Variants in SESN2 observed in about 807,000 individuals in gnomAD.
SESN2 encodes sestrin 2, also known as sestrin-2.
SESN2 carries 42 observed loss-of-function variants against 56.0 expected under a neutral mutation model. The ratio of observed to expected loss-of-function variants is 0.75; its 90% CI spans 0.59 to 0.97. The LOEUF (loss-of-function observed/expected upper bound fraction) is 0.97. Among genes scored for constraint, SESN2 ranks in the 50% least tolerant of loss-of-function variants. SESN2 has a pLI of 0.00. For synonymous variants in SESN2, 264 were observed against 267.1 expected, an observed-to-expected ratio of 0.99 and a Z score of 0.11; for missense variants, 507 against 649.4, an observed-to-expected ratio of 0.78 and a Z score of 2.38.
rs1360211605 is a variant in SESN2, at chr1:28,281,390, CCCTTTTT to C, written c.*591_*597del. 6.6e-6 allele frequency: 1 copy of C among 152,234 alleles called. No individual in the cohort carries two copies. Among genetic ancestry groups the C allele is most frequent in the Non-Finnish European group, 1.5e-5 (1 of 68,174 alleles). 9.4% of individuals were successfully genotyped at this position (152,234 alleles called of 1,614,324 possible). A position where few individuals can be genotyped will look rare whatever the true frequency, so the allele number is the denominator to read the frequency against. On this transcript the variant is annotated 3_prime_UTR_variant, in exon 10 of 10. Coordinates refer to ENST00000253063, the MANE Select transcript of SESN2 (RefSeq NM_031459.5). ...TAGTTCAGTTTTTTGACTTCCTTTG[CCCTTTTT>C]CCCTTTTCTCCATGCTTAATGGTGT...
rs1297355969 is a variant in SESN2, at chr1:28,272,586, G to A, written c.543G>A (p.Leu181=). Residue 181 remains leucine, a synonymous_variant, in exon 5 of 10, where the codon TTG becomes TTA. Coordinates refer to ENST00000253063, the MANE Select transcript of SESN2 (RefSeq NM_031459.5). ...WLITKEHIQA[L]LKTGEHTWSL... ...TCCCCCCTTGTCCCTTCCAGGCCTT[G>A]CTGAAGACCGGCGAGCACACTTGGT... 1 of 1,614,044 alleles carries A rather than the reference G, an allele frequency of 6.2e-7. No homozygotes were observed. Among genetic ancestry groups the A allele is most frequent in the East Asian group, 2.2e-5 (1 of 44,882 alleles).
Position 28,280,823 on chromosome 1 carries a change from C to A in SESN2, c.*21C>A. 6.3e-7 allele frequency: 1 copy of A among 1,589,396 alleles called. No homozygotes were observed. The highest frequency in any genetic ancestry group is 8.6e-7 in the Non-Finnish European group (1 of 1,158,860). On this transcript the variant is annotated 3_prime_UTR_variant, in exon 10 of 10. Transcript: ENST00000253063. ...CCTGACTCCTGAGCAGGACCTGGGC[C>A]CGGTTCAGCTCCCCACAAGGACTTC...
At chr1:28,276,871 G>A (rs1021438093) in intron 8 of SESN2, among the ~76,000 whole-genome samples, 12 of 141,160 alleles carry the variant, frequency 8.5e-5, no homozygotes, top group Non-Finnish European at 1.7e-4. Flanking sequence ...GAGACACTGC[G>A]CCCAGCCTTT....
chr1:28,262,617 G>A (rs1428300976), intron 1 of SESN2, among the ~76,000 whole-genome samples: 1 of 47,246 alleles, frequency 2.1e-5, no homozygotes, highest in Non-Finnish European at 3.7e-5. Flanking sequence ...GCAAGAGTCT[G>A]TCTCAAAAAA....
At chr1:28,263,617 T>G (rs1290858999) in intron 1 of SESN2, among the ~76,000 whole-genome samples, 1 of 151,670 alleles carries the variant, frequency 6.6e-6, no homozygotes, top group Non-Finnish European at 1.5e-5. Context: ...GAGAATAAAG[T>G]CTGGGGCTTC....
chr1:28,261,197 G>C (rs935185456), intron 1 of SESN2, among the ~76,000 whole-genome samples: 1 of 152,116 alleles, frequency 6.6e-6, no homozygotes, highest in Non-Finnish European at 1.5e-5. Context: ...TACCTCCGTC[G>C]GTGTATAGTT....
At chr1:28,264,331 A>G (rs476243) in intron 1 of SESN2, among the ~76,000 whole-genome samples, 9,392 of 151,382 alleles carry the variant, frequency 0.062, 948 homozygotes, top group African/African-American at 0.21. Context: ...AGAAAAAAAG[A>G]AAAAAAAAGA....
rs570533215 is a variant in SESN2 at position 28,272,831 on chromosome 1, G to A, written c.750+38G>A. ...CCTGGGTCTTGATCGGGGAGGAAGC[G>A]GGCATGACCTCTGGTCCTTAGGTAG... On this transcript the variant is annotated intron_variant, in intron 5 of 9. Coordinates refer to ENST00000253063, the MANE Select transcript of SESN2 (RefSeq NM_031459.5). 1.5e-5 allele frequency: 18 copies of A among 1,230,182 alleles called. No homozygotes were observed. The Middle Eastern group carries it at 5.8e-4, about 40-fold the overall frequency. The allele number at this position is 1,230,182 out of a possible 1,614,324, so 76.2% of individuals were successfully genotyped here. A position where few individuals can be genotyped will look rare whatever the true frequency, so the allele number is the denominator to read the frequency against.
chr1:28,260,418 C>G (rs939680400), intron 1 of SESN2, among the ~76,000 whole-genome samples: 5 of 152,110 alleles, frequency 3.3e-5, no homozygotes, highest in Admixed American at 2.6e-4. Context: ...CGGCTCCTGT[C>G]CCCCAGCGCG....
intron 9 of SESN2, among the ~76,000 whole-genome samples, chr1:28,279,793 C>T (rs1359846591): frequency 6.6e-6 from 1 of 151,800 alleles, no homozygotes; most frequent in African/African-American, 2.4e-5. Flanking sequence ...CCACCTGTCT[C>T]GGACTTCCAA....
At chr1:28,270,398 T>TGTA (rs1647721313) in intron 2 of SESN2, among the ~76,000 whole-genome samples, 1 of 152,066 alleles carries the variant, frequency 6.6e-6, no homozygotes, top group South Asian at 2.1e-4. Flanking sequence ...TTCCTAAATG[T>TGTA]GTAGGGCGAG....
chr1:28,269,188 G>A lies in SESN2; in HGVS notation c.96G>A (p.Gln32=), dbSNP rs761412903. The A allele has an allele frequency of 3.2e-5, 51 of 1,612,214 alleles. No homozygotes were observed. The highest frequency in any genetic ancestry group is 4.3e-5 in the Non-Finnish European group (51 of 1,178,920). ...CCTCATATGTTTCCTCCCAGGAGCA[G>A]AGGGAGAGCCGGGCTCGGCGAGGCC... The part of the protein sequence containing the change: ...GVGDSGPGEE[Q]RESRARRGPR... Residue 32 remains glutamine, a synonymous_variant, in exon 2 of 10, where the codon CAG becomes CAA. Coordinates refer to ENST00000253063, the MANE Select transcript of SESN2 (RefSeq NM_031459.5).
Position 28,259,742 on chromosome 1 carries a change from G to C in SESN2, c.-106G>C, listed in dbSNP as rs1344858238. ...CCCCGAGAGACGCCCCGGGGTTCTA[G>C]AAGCTCCCCGGCGGCGCCCAGTCCC... On this transcript the variant is annotated 5_prime_UTR_variant, in exon 1 of 10. Transcript: ENST00000253063. 1.2e-6 allele frequency: 1 copy of C among 839,232 alleles called. No homozygotes were observed. Among genetic ancestry groups the C allele is most frequent in the Non-Finnish European group, 1.7e-6 (1 of 590,784 alleles). 52.0% of individuals were successfully genotyped at this position (839,232 alleles called of 1,614,324 possible).
intron 9 of SESN2, among the ~76,000 whole-genome samples, chr1:28,279,451 T>G (rs1178938430): frequency 6.6e-6 from 1 of 152,250 alleles, no homozygotes; most frequent in Non-Finnish European, 1.5e-5. Flanking sequence ...GGTGCCTGCT[T>G]CACATTAGTG....
At chr1:28,265,128 G>C (rs1304991251) in intron 1 of SESN2, among the ~76,000 whole-genome samples, 2 of 152,194 alleles carry the variant, frequency 1.3e-5, no homozygotes, top group Admixed American at 6.5e-5. Flanking sequence ...TAGTGCATGT[G>C]AAATTAATGC....
In SESN2 at chr1:28,280,748, C is replaced by T. The variant is rs1238350172; in HGVS notation, c.1389C>T (p.Arg463=). ...VHVNLLLLEA[R]MQAALLYALR... is the part of the protein sequence containing the mutation. ...TGAACTTGCTGCTCCTGGAGGCGCG[C>T]ATGCAAGCCGCTCTGCTGTACGCCC... The change falls in exon 10 of 10, where the codon CGC becomes CGT. Residue 463 remains arginine, a synonymous_variant. Coordinates refer to ENST00000253063, the MANE Select transcript of SESN2 (RefSeq NM_031459.5). The T allele has an allele frequency of 6.2e-7, 1 of 1,613,366 alleles. No individual in the cohort carries two copies. Among genetic ancestry groups the T allele is most frequent in the Admixed American group, 1.7e-5 (1 of 60,000 alleles).
chr1:28,268,521 T>G (rs933679359), intron 1 of SESN2, among the ~76,000 whole-genome samples: 15 of 151,740 alleles, frequency 9.9e-5, no homozygotes, highest in African/African-American at 3.4e-4. Context: ...TAAAATTAGG[T>G]GAGCGTGGTT....
intron 1 of SESN2, 90 bp from the exon 2 acceptor site, chr1:28,269,093 G>A (rs997461105): frequency 9.0e-6 from 8 of 892,534 alleles, no homozygotes; most frequent in Middle Eastern, 4.5e-4. Flanking sequence ...CTTCAGTGTA[G>A]CCCCTTGGAT....
At chr1:28,276,722 A>G (rs1037906735) in intron 8 of SESN2, among the ~76,000 whole-genome samples, 44 of 150,022 alleles carry the variant, frequency 2.9e-4, no homozygotes, top group African/African-American at 1.0e-3. Context: ...TGGGATTACC[A>G]GCATGTGCCA....
Sources: gnomAD v4.1 joint callset for allele counts (sites outside exome capture counted in the v4.1 genomes callset) on GRCh38, gnomAD v4.1.1 for gene constraint, MANE v1.5 for transcripts, NCBI Gene and HGNC (gene_info 2026-07-23, HGNC 2026-07-21) for gene names.